The following GAS7 variants were observed in gnomAD, a reference collection of about 807,000 sequenced individuals.
GAS7 encodes the protein growth arrest-specific protein 7.
Under a neutral mutation model 71.1 loss-of-function variants are expected in GAS7, and 28 were observed. The observed-to-expected ratio is 0.39, with a 90% CI of 0.29 to 0.54. The LOEUF (loss-of-function observed/expected upper bound fraction) is 0.54. Ranked by LOEUF, GAS7 falls within the 20% of genes least tolerant of loss-of-function variation. The pLI is 0.62. For synonymous variants in GAS7, 258 were observed against 245.8 expected (o/e 1.05, Z -0.46); for missense variants, 436 against 627.8 (o/e 0.69, Z 3.27).
intron 5 of GAS7, among the ~76,000 whole-genome samples, chr17:9,956,835 G>A (rs191324506): frequency 7.2e-5 from 11 of 152,284 alleles, no homozygotes; most frequent in Admixed American, 2.0e-4. Flanking sequence ...GGAAGTTCAC[G>A]CCCCAGCCTC....
intron 1 of GAS7, among the ~76,000 whole-genome samples, chr17:10,047,236 G>A (rs1010577352): frequency 9.8e-5 from 15 of 152,314 alleles, no homozygotes; most frequent in South Asian, 2.1e-4. Context: ...CCTGGCTGCA[G>A]GGCATTGAGA....
chr17:10,088,528 G>A (rs981963015), intron 1 of GAS7, among the ~76,000 whole-genome samples: 17 of 152,126 alleles, frequency 1.1e-4, no homozygotes, highest in African/African-American at 2.2e-4. Flanking sequence ...TGTGCAGCCC[G>A]GGCAGGAGGG....
chr17:10,112,461 C>T (rs1006945387), intron 1 of GAS7, among the ~76,000 whole-genome samples: 4 of 152,116 alleles, frequency 2.6e-5, no homozygotes, highest in East Asian at 1.9e-4. Context: ...TCTAGCCGGG[C>T]GCGGTGTCTC....
At position 10,106,537 on chromosome 17, in the gene GAS7, C is replaced by A. The variant is rs1163292968; in HGVS notation, c.184-86640G>T. On this transcript the variant is annotated intron_variant, in intron 1 of 13. Coordinates refer to ENST00000432992, the MANE Select transcript of GAS7 (RefSeq NM_201433.2). ...AGTCTGAATCTCTGTACTTTTTCCA[C>A]CTTCCTTAGGAGATTTGAGATTTGC... is the stretch of plus-strand genomic sequence containing the variant. 2.0e-5 allele frequency among the ~76,000 whole-genome samples: 3 copies of A among 152,328 alleles called. No homozygotes were observed. The South Asian group carries it at 6.2e-4, about 32-fold the overall frequency.
chr17:10,165,379 C>G (rs2142124152), intron 1 of GAS7, among the ~76,000 whole-genome samples: 2 of 151,962 alleles, frequency 1.3e-5, no homozygotes, highest in African/African-American at 4.8e-5. Flanking sequence ...TGCTGCTTCT[C>G]AAACAGAAAA....
At chr17:10,007,841 T>C (rs990802526) in intron 2 of GAS7, among the ~76,000 whole-genome samples, 1 of 152,032 alleles carries the variant, frequency 6.6e-6, no homozygotes, top group Non-Finnish European at 1.5e-5. Flanking sequence ...TTTTAAAACA[T>C]TTTTATTGTC....
chr17:10,005,179 A>G lies in GAS7; in HGVS notation c.304+14598T>C, dbSNP rs12935967. 7.1e-4 allele frequency among the ~76,000 whole-genome samples: 85 copies of G among 120,070 alleles called. 1 individual carries two copies. The highest frequency in any genetic ancestry group is 1.8e-3 in the African/African-American group (72 of 39,196). 78.8% of individuals were successfully genotyped at this position (120,070 alleles called of 152,430 possible). On this transcript the variant is annotated intron_variant, in intron 2 of 13. Coordinates refer to ENST00000432992, the MANE Select transcript of GAS7 (RefSeq NM_201433.2). ...CATGTGTGTGCGCACGCATGCATGT[A>G]TGTGTATGTGCACGCATGCATGTGT...
At chr17:10,039,855 G>A (rs565366432) in intron 1 of GAS7, 2 of 417,930 alleles carry the variant, frequency 4.8e-6, no homozygotes, top group Admixed American at 2.9e-5. Context: ...GCTCCCAGAG[G>A]GGGTGACAAT....
chr17:10,186,490 A>G lies in GAS7; in HGVS notation c.183+11718T>C, dbSNP rs533622524. Among the ~76,000 whole-genome samples, 148 of 138,234 alleles carry G rather than the reference A, an allele frequency of 1.1e-3. 5 individuals carry two copies. The South Asian group carries it at 0.035, about 32-fold the overall frequency. 90.7% of individuals were successfully genotyped at this position (138,234 alleles called of 152,430 possible). A position where few individuals can be genotyped will look rare whatever the true frequency, so the allele number is the denominator to read the frequency against. On this transcript the variant is annotated intron_variant, in intron 1 of 13. Coordinates refer to ENST00000432992, the MANE Select transcript of GAS7 (RefSeq NM_201433.2). ...ATCTCGGTGGCTCACTGTAACCTCC[A>G]CCTCCTGGGTTCAACGAATTCTCCT...
chr17:10,176,638 G>A (rs2074376090), intron 1 of GAS7, among the ~76,000 whole-genome samples: 1 of 152,104 alleles, frequency 6.6e-6, no homozygotes, highest in Non-Finnish European at 1.5e-5. Context: ...AAAACCCAGG[G>A]CCCTCAGCTA....
chr17:9,967,667 TC>T (rs1261409274), intron 4 of GAS7, among the ~76,000 whole-genome samples: 80 of 152,218 alleles, frequency 5.3e-4, no homozygotes, highest in African/African-American at 1.9e-3. Flanking sequence ...TATTGCATTT[TC>T]TTCAGAAGCA....
chr17:10,073,801 C>T (rs1274402984), intron 1 of GAS7, among the ~76,000 whole-genome samples: 1 of 152,158 alleles, frequency 6.6e-6, no homozygotes, highest in Non-Finnish European at 1.5e-5. Context: ...TGACTTTTTT[C>T]TCAACTGAAT....
At chr17:10,064,958 C>T (rs2073265176) in intron 1 of GAS7, among the ~76,000 whole-genome samples, 1 of 152,132 alleles carries the variant, frequency 6.6e-6, no homozygotes, top group Admixed American at 6.5e-5. Flanking sequence ...GTACCTGGGA[C>T]TACAGGTGTG....
chr17:9,980,988 C>T (rs936476778), intron 3 of GAS7, among the ~76,000 whole-genome samples: 5 of 152,152 alleles, frequency 3.3e-5, no homozygotes, highest in African/African-American at 9.7e-5. Flanking sequence ...AACCTCCCAC[C>T]TATTATAGGA....
chr17:10,056,541 G>T (rs1049847323), intron 1 of GAS7, among the ~76,000 whole-genome samples: 3 of 151,386 alleles, frequency 2.0e-5, no homozygotes, highest in Non-Finnish European at 4.4e-5. Flanking sequence ...AAAAAAAAAA[G>T]AACAAGGTCT....
At chr17:10,189,003 G>T (rs535103650) in intron 1 of GAS7, among the ~76,000 whole-genome samples, 3 of 152,070 alleles carry the variant, frequency 2.0e-5, no homozygotes, top group Admixed American at 1.3e-4. Flanking sequence ...ATACTGATAT[G>T]TTCCTCTTTG....
intron 1 of GAS7, among the ~76,000 whole-genome samples, chr17:10,021,173 G>A (rs2072252435): frequency 6.6e-6 from 1 of 152,208 alleles, no homozygotes; most frequent in Non-Finnish European, 1.5e-5. Flanking sequence ...GAAGAGAGTA[G>A]CCATGAATTT....
At chr17:10,182,319 T>C (rs1365624665) in intron 1 of GAS7, among the ~76,000 whole-genome samples, 1 of 151,968 alleles carries the variant, frequency 6.6e-6, no homozygotes, top group Non-Finnish European at 1.5e-5. Flanking sequence ...ACCACCACGC[T>C]CGGCTAATTT....
At chr17:10,190,399 G>A (rs1048856676) in intron 1 of GAS7, among the ~76,000 whole-genome samples, 15 of 151,798 alleles carry the variant, frequency 9.9e-5, no homozygotes, top group Non-Finnish European at 1.6e-4. Context: ...CCTGACCAGC[G>A]TGGTGAAACC....
Sources: allele counts gnomAD v4.1 joint callset (sites outside exome capture counted in the v4.1 genomes callset), GRCh38; gene constraint gnomAD v4.1.1; transcripts MANE v1.5; gene names NCBI Gene and HGNC (gene_info 2026-07-23, HGNC 2026-07-21).